Variants in CDH18 observed in about 807,000 individuals in gnomAD.
CDH18 encodes the protein cadherin-18.
A neutral mutation model predicts 67.9 loss-of-function variants in CDH18; 31 were observed. The observed-to-expected ratio is 0.46, with a 90% CI of 0.34 to 0.62. The LOEUF (loss-of-function observed/expected upper bound fraction) is 0.62, where lower values mean the gene tolerates loss of function less well. Among genes scored for constraint, CDH18 ranks in the 20% least tolerant of loss-of-function variants. The pLI, the probability that CDH18 is intolerant of heterozygous loss-of-function variation, is 0.01. For missense variants in CDH18, 890 were observed against 975.5 expected, an observed-to-expected ratio of 0.91 and a Z score of 1.17; for synonymous variants, 362 against 347.2, an observed-to-expected ratio of 1.04 and a Z score of -0.48.
At chr5:20,120,248 G>A in intron 2 of CDH18, among the ~76,000 whole-genome samples, 1 of 152,128 alleles carries the variant, frequency 6.6e-6, no homozygotes, top group East Asian at 1.9e-4. Flanking sequence ...CTGTAAGGTG[G>A]AAGATGATGA....
intron 2 of CDH18, among the ~76,000 whole-genome samples, chr5:19,936,846 CAAAT>C (rs1165725693): frequency 5.3e-5 from 8 of 150,436 alleles, no homozygotes; most frequent in Non-Finnish European, 8.9e-5. Context: ...TAGAAACTGA[CAAAT>C]AAGTTAAAAA....
In CDH18 at chr5:19,788,102, G is replaced by T. The variant is rs898043356; in HGVS notation, c.229-40866C>A. Among the ~76,000 whole-genome samples the T allele has an allele frequency of 3.3e-5, 5 of 151,904 alleles. No individual in the cohort carries two copies. The South Asian group carries it at 1.0e-3, about 32-fold the overall frequency. Reference sequence around the variant, plus strand: ...ACCTGTTGCATGTGTTTGCCATTTTGCTTATAATAGGGTGTGAATAAGCAG... The same window carrying T: ...ACCTGTTGCATGTGTTTGCCATTTTTCTTATAATAGGGTGTGAATAAGCAG... On this transcript the variant is annotated intron_variant, in intron 3 of 12. Transcript: ENST00000382275.
intron 7 of CDH18, among the ~76,000 whole-genome samples, chr5:19,574,809 G>A (rs1335109109): frequency 6.6e-6 from 1 of 151,878 alleles, no homozygotes; most frequent in Non-Finnish European, 1.5e-5. Context: ...TTGGGAGGCC[G>A]AGGTGGGCGG....
At chr5:19,821,086 G>A (rs1361825857) in intron 3 of CDH18, among the ~76,000 whole-genome samples, 2 of 152,038 alleles carry the variant, frequency 1.3e-5, no homozygotes, top group African/African-American at 4.8e-5. Flanking sequence ...TAGCTCCCCG[G>A]CAATGGATTC....
chr5:20,129,012 G>A (rs899730155), intron 2 of CDH18, among the ~76,000 whole-genome samples: 1 of 151,924 alleles, frequency 6.6e-6, no homozygotes, highest in African/African-American at 2.4e-5. Flanking sequence ...GTATACTCTT[G>A]AGAAATGAGA....
chr5:19,994,096 A>T (rs1034425521), intron 2 of CDH18, among the ~76,000 whole-genome samples: 1 of 152,084 alleles, frequency 6.6e-6, no homozygotes, highest in Non-Finnish European at 1.5e-5. Flanking sequence ...TGAAAGAGGA[A>T]TAAAGCAGAG....
chr5:20,243,291 C>T (rs986717851), intron 2 of CDH18, among the ~76,000 whole-genome samples: 4 of 152,076 alleles, frequency 2.6e-5, no homozygotes, highest in African/African-American at 9.7e-5. Flanking sequence ...CCTAACTAGT[C>T]CCAATTTGGG....
chr5:20,359,886 TATTA>T (rs1264786060), intron 1 of CDH18, among the ~76,000 whole-genome samples: 1 of 151,878 alleles, frequency 6.6e-6, no homozygotes, highest in African/African-American at 2.4e-5. Context: ...AGAAAGTTAT[TATTA>T]TTTATAACTT....
chr5:20,216,649 T>C (rs1418616102), intron 2 of CDH18, among the ~76,000 whole-genome samples: 3 of 151,966 alleles, frequency 2.0e-5, no homozygotes, highest in South Asian at 2.1e-4. Flanking sequence ...TAGTTTCCTC[T>C]GAGCTTCCTG....
At chr5:20,356,954 G>A (rs1233749451) in intron 1 of CDH18, among the ~76,000 whole-genome samples, 3 of 150,198 alleles carry the variant, frequency 2.0e-5, no homozygotes, top group Admixed American at 6.7e-5. Flanking sequence ...TATATATGTA[G>A]TAATAACTGT....
In CDH18 at chr5:19,829,188, T is replaced by C. The variant is rs115200690; in HGVS notation, c.228+9571A>G. ...GACCACTCACACCACTGCTGTTCAA[T>C]ATAGTACTGGAAGTCCTGGCTACAG... On this transcript the variant is annotated intron_variant, in intron 3 of 12. Transcript: ENST00000382275. Among the ~76,000 whole-genome samples, 1,369 of 152,208 alleles carry C rather than the reference T, an allele frequency of 9.0e-3. 20 individuals are homozygous for C. The highest frequency in any genetic ancestry group is 0.031 in the African/African-American group (1,280 of 41,538).
At chr5:19,799,428 T>C (rs1027053837) in intron 3 of CDH18, among the ~76,000 whole-genome samples, 3 of 125,670 alleles carry the variant, frequency 2.4e-5, no homozygotes, top group Admixed American at 9.2e-5. Context: ...CCATGTTAAA[T>C]ATTCTCAACA....
chr5:19,547,815 T>C (rs901635979), intron 8 of CDH18, among the ~76,000 whole-genome samples: 2 of 151,986 alleles, frequency 1.3e-5, no homozygotes, highest in Non-Finnish European at 2.9e-5. Flanking sequence ...ATCCAAAGAG[T>C]CTTATTCACG....
chr5:20,149,748 A>G (rs1750951569), intron 2 of CDH18, among the ~76,000 whole-genome samples: 1 of 152,166 alleles, frequency 6.6e-6, no homozygotes, highest in Non-Finnish European at 1.5e-5. Flanking sequence ...TATTCTGCAA[A>G]CTTTAACCAG....
intron 1 of CDH18, among the ~76,000 whole-genome samples, chr5:20,465,174 T>C (rs1226563149): frequency 2.0e-5 from 3 of 152,066 alleles, no homozygotes; most frequent in Non-Finnish European, 4.4e-5. Flanking sequence ...CTAGACAGTG[T>C]AGATGGTGAA....
intron 2 of CDH18, among the ~76,000 whole-genome samples, chr5:20,100,051 G>T (rs1183062783): frequency 2.6e-5 from 4 of 152,134 alleles, no homozygotes; most frequent in Non-Finnish European, 4.4e-5. Flanking sequence ...CTCCTAAAGT[G>T]CTGGGATTAC....
intron 12 of CDH18, among the ~76,000 whole-genome samples, chr5:19,473,923 A>G (rs1738007884): frequency 6.6e-6 from 1 of 152,134 alleles, no homozygotes; most frequent in South Asian, 2.1e-4. Context: ...TGATTACCCC[A>G]GGAGACATTG....
chr5:19,721,053 T>G (rs1179081611), intron 5 of CDH18, among the ~76,000 whole-genome samples: 4 of 152,218 alleles, frequency 2.6e-5, no homozygotes, highest in Admixed American at 1.3e-4. Context: ...ATATGCCATA[T>G]TTGTTTTAAA....
At chr5:20,273,440 T>A (rs1365069144) in intron 1 of CDH18, among the ~76,000 whole-genome samples, 1 of 151,980 alleles carries the variant, frequency 6.6e-6, no homozygotes, top group African/African-American at 2.4e-5. Context: ...AGAAGCAATA[T>A]GAAATGGTTC....
Sources: allele counts gnomAD v4.1 joint callset (sites outside exome capture counted in the v4.1 genomes callset), GRCh38; gene constraint gnomAD v4.1.1; transcripts MANE v1.5; gene names NCBI Gene and HGNC (gene_info 2026-07-23, HGNC 2026-07-21).